PLXDC2: variants seen among roughly 807,000 people sequenced by gnomAD.
PLXDC2 encodes the protein plexin domain containing 2.
A neutral mutation model predicts 68.9 loss-of-function variants in PLXDC2; 40 were observed. That is an observed-to-expected ratio of 0.58 (90% CI 0.45 to 0.76). PLXDC2 has a LOEUF of 0.76. Among genes scored for constraint, PLXDC2 ranks in the 30% least tolerant of loss-of-function variants. The probability of loss-of-function intolerance (pLI) is 0.00; values close to 1 mark genes in which losing one functional copy is unlikely to be tolerated. For missense variants in PLXDC2, 644 were observed against 661.9 expected (o/e 0.97, Z 0.30); for synonymous variants, 243 against 234.2 (o/e 1.04, Z -0.34).
chr10:20,242,796 T>C (rs1359440165), intron 12 of PLXDC2, among the ~76,000 whole-genome samples: 2 of 152,108 alleles, frequency 1.3e-5, no homozygotes, highest in Non-Finnish European at 2.9e-5. Context: ...CTGCAACCCC[T>C]GCCTTCAGGT....
At position 19,835,931 on chromosome 10, in the gene PLXDC2, G is replaced by T. The variant is rs529715192; in HGVS notation, c.112+18740G>T. 5.3e-5 allele frequency among the ~76,000 whole-genome samples: 8 copies of T among 152,238 alleles called. No homozygotes were observed. The South Asian group carries it at 6.2e-4, about 12-fold the overall frequency. The stretch of plus-strand genomic sequence containing the variant: ...TCACAGCCATAATTTCAGCACTTTG[G>T]GGGGCTGACATGGGAGGATCGCTTG... On this transcript the variant is annotated intron_variant, in intron 1 of 13. Coordinates refer to ENST00000377252, the MANE Select transcript of PLXDC2 (RefSeq NM_032812.9).
intron 12 of PLXDC2, among the ~76,000 whole-genome samples, chr10:20,225,757 A>C (rs1199500283): frequency 1.3e-5 from 2 of 152,222 alleles, no homozygotes; most frequent in Non-Finnish European, 2.9e-5. Flanking sequence ...TTCTACACTC[A>C]AACTATTCTC....
intron 6 of PLXDC2, among the ~76,000 whole-genome samples, chr10:20,163,211 C>A (rs114616637): frequency 5.5e-4 from 83 of 152,172 alleles, no homozygotes; most frequent in Non-Finnish European, 9.3e-4. Context: ...AACACTTTAA[C>A]GTTGTTTAAG....
intron 1 of PLXDC2, among the ~76,000 whole-genome samples, chr10:19,858,686 A>G (rs1440447023): frequency 1.3e-5 from 2 of 152,090 alleles, no homozygotes; most frequent in Non-Finnish European, 2.9e-5. Context: ...GAAAGTAAGC[A>G]GTGTTGGGGA....
intron 1 of PLXDC2, among the ~76,000 whole-genome samples, chr10:19,947,041 G>A (rs555055967): frequency 9.2e-5 from 14 of 152,166 alleles, no homozygotes; most frequent in Non-Finnish European, 1.5e-4. Flanking sequence ...AGTAAAAAGC[G>A]GAACTGAGAG....
intron 2 of PLXDC2, among the ~76,000 whole-genome samples, chr10:20,045,060 C>A (rs1472478268): frequency 1.3e-5 from 2 of 152,174 alleles, no homozygotes; most frequent in African/African-American, 4.8e-5. Context: ...CATGATCTTC[C>A]TTATTCTTTC....
Position 20,068,753 on chromosome 10 carries a change from G to C in PLXDC2, c.541+514G>C, listed in dbSNP as rs552590112. Among the ~76,000 whole-genome samples, 5 of 151,388 alleles carry C rather than the reference G, an allele frequency of 3.3e-5. No individual in the cohort carries two copies. The South Asian group carries it at 1.0e-3, about 32-fold the overall frequency. On this transcript the variant is annotated intron_variant, in intron 4 of 13. Coordinates refer to ENST00000377252, the MANE Select transcript of PLXDC2 (RefSeq NM_032812.9). ...ACCTATTTTGATTGACAACTCATTT[G>C]AGAGTCTTCAAATAAAGCTGAAATC...
intron 4 of PLXDC2, among the ~76,000 whole-genome samples, chr10:20,124,443 G>T (rs569380502): frequency 6.6e-6 from 1 of 152,116 alleles, no homozygotes; most frequent in Non-Finnish European, 1.5e-5. Flanking sequence ...ACCTGAGGTC[G>T]TAGGTGGATC....
At chr10:19,895,884 C>T (rs902763406) in intron 1 of PLXDC2, among the ~76,000 whole-genome samples, 1 of 152,060 alleles carries the variant, frequency 6.6e-6, no homozygotes, top group Non-Finnish European at 1.5e-5. Flanking sequence ...CATAACATTG[C>T]ACTTCAGCCT....
chr10:20,171,749 AT>A (rs200029302), intron 7 of PLXDC2, among the ~76,000 whole-genome samples: 1 of 151,820 alleles, frequency 6.6e-6, no homozygotes, highest in African/African-American at 2.4e-5. Flanking sequence ...CTTTTATTTC[AT>A]TTTTTTGATT....
chr10:19,998,333 T>G (rs1204853784), intron 1 of PLXDC2, among the ~76,000 whole-genome samples: 1 of 152,230 alleles, frequency 6.6e-6, no homozygotes, highest in Non-Finnish European at 1.5e-5. Flanking sequence ...GTCTTTATTC[T>G]GTAAAACATA....
intron 1 of PLXDC2, among the ~76,000 whole-genome samples, chr10:20,000,430 G>T (rs1471232409): frequency 3.3e-5 from 5 of 151,798 alleles, no homozygotes; most frequent in Non-Finnish European, 7.4e-5. Context: ...TCAAGGAAAG[G>T]TCTAGATGGC....
chr10:20,025,889 A>T (rs1033805471), intron 2 of PLXDC2, among the ~76,000 whole-genome samples: 1 of 151,498 alleles, frequency 6.6e-6, no homozygotes, highest in Non-Finnish European at 1.5e-5. Flanking sequence ...AATTTTATAT[A>T]TTAATTAACT....
chr10:20,175,553 G>A (rs975260058), intron 7 of PLXDC2, among the ~76,000 whole-genome samples: 1 of 152,162 alleles, frequency 6.6e-6, no homozygotes, highest in Non-Finnish European at 1.5e-5. Flanking sequence ...AGGCATGGGG[G>A]TGCATTGGAG....
chr10:20,219,359 T>C (rs1455948886), intron 12 of PLXDC2, among the ~76,000 whole-genome samples: 4 of 152,162 alleles, frequency 2.6e-5, no homozygotes, highest in Non-Finnish European at 5.9e-5. Flanking sequence ...ATCTTGCTAT[T>C]CTTTGTTGGT....
chr10:20,190,781 G>T (rs571125880), intron 9 of PLXDC2, among the ~76,000 whole-genome samples: 1 of 151,740 alleles, frequency 6.6e-6, no homozygotes, highest in Non-Finnish European at 1.5e-5. Flanking sequence ...TAAAATACAC[G>T]TTCATACTCA....
At chr10:19,841,525 G>A (rs924501981) in intron 1 of PLXDC2, among the ~76,000 whole-genome samples, 1 of 144,200 alleles carries the variant, frequency 6.9e-6, no homozygotes, top group African/African-American at 2.6e-5. Flanking sequence ...TTAGAATATG[G>A]TGTGTTTCAG....
chr10:19,971,378 C>T (rs146560257), intron 1 of PLXDC2, among the ~76,000 whole-genome samples: 50 of 152,096 alleles, frequency 3.3e-4, no homozygotes, highest in Non-Finnish European at 5.7e-4. Context: ...TAGCTCAGTT[C>T]CTTATGAACA....
intron 6 of PLXDC2, among the ~76,000 whole-genome samples, chr10:20,151,211 G>A (rs907561917): frequency 6.6e-6 from 1 of 152,132 alleles, no homozygotes; most frequent in African/African-American, 2.4e-5. Context: ...TTTGAGGTGA[G>A]AGCTAGAAGC....
Sources: allele counts gnomAD v4.1 joint callset (sites outside exome capture counted in the v4.1 genomes callset), GRCh38; gene constraint gnomAD v4.1.1; transcripts MANE v1.5; gene names NCBI Gene and HGNC (gene_info 2026-07-23, HGNC 2026-07-21).